AGAP1: variants seen among roughly 807,000 people sequenced by gnomAD.
AGAP1 encodes the protein ArfGAP with GTPase domain, ankyrin repeat and PH domain 1.
A neutral mutation model predicts 105.3 loss-of-function variants in AGAP1; 29 were observed. That is an observed-to-expected ratio of 0.28 (90% confidence interval 0.21 to 0.38). The LOEUF is 0.38. AGAP1 is among the 10% of genes least tolerant of loss of function. The pLI is 1.00. For missense variants in AGAP1, 998 were observed against 1,165.1 expected (o/e 0.86, Z 2.09); for synonymous variants, 509 against 485.9 (o/e 1.05, Z -0.63).
intron 1 of AGAP1, among the ~76,000 whole-genome samples, chr2:235,571,993 CACACACACACTT>C (rs1202553751): frequency 4.1e-5 from 5 of 121,312 alleles, no homozygotes; most frequent in South Asian, 5.8e-4. Flanking sequence ...CACACACACA[CACACACACACTT>C]TTTTTTTTTT....
At chr2:235,756,004 G>A (rs1169638301) in intron 6 of AGAP1, among the ~76,000 whole-genome samples, 1 of 152,232 alleles carries the variant, frequency 6.6e-6, no homozygotes, top group East Asian at 1.9e-4. Flanking sequence ...GTGGTAGCAA[G>A]CTGTGTATAG....
chr2:235,889,667 C>T lies in AGAP1; in HGVS notation c.1155+6218C>T, dbSNP rs1474124123. Reference sequence around the variant, plus strand: ...GCCTCACTCTGTCCTTTACTTAGGACATAAGCTAAATCTACATACCCTTCC... The same window carrying T: ...GCCTCACTCTGTCCTTTACTTAGGATATAAGCTAAATCTACATACCCTTCC... On this transcript the variant is annotated intron_variant, in intron 10 of 17. Coordinates refer to ENST00000304032, the MANE Select transcript of AGAP1 (RefSeq NM_001037131.3). The surrounding 1 kb of genome is among the most constrained non-coding windows in gnomAD (Gnocchi z 4.6). Among the ~76,000 whole-genome samples the T allele has an allele frequency of 3.3e-5, 5 of 151,784 alleles. No individual in the cohort carries two copies. Among genetic ancestry groups the T allele is most frequent in the Non-Finnish European group, 7.4e-5 (5 of 68,010 alleles).
At position 236,121,067 on chromosome 2, in the gene AGAP1, G is replaced by A. The variant is rs1437320621; in HGVS notation, c.2370+620G>A. Among the ~76,000 whole-genome samples, 1 of 152,216 alleles carries A rather than the reference G, an allele frequency of 6.6e-6. No individual in the cohort carries two copies. The highest frequency in any genetic ancestry group is 2.4e-5 in the African/African-American group (1 of 41,464). On this transcript the variant is annotated intron_variant, in intron 17 of 17. Transcript: ENST00000304032. This position sits in a 1 kb window ranked among gnomAD's most constrained non-coding sequence, Gnocchi z 4.9. ...CTGCCTGTGGACCCCTGGGGCTTCTGCTGAGGCAGGTTCCCACCAGAGGCA... is the reference window on the plus strand; with the variant it reads ...CTGCCTGTGGACCCCTGGGGCTTCTACTGAGGCAGGTTCCCACCAGAGGCA...
chr2:236,039,836 A>G (rs2057493285), intron 14 of AGAP1, among the ~76,000 whole-genome samples: 4 of 152,236 alleles, frequency 2.6e-5, no homozygotes, highest in Admixed American at 2.6e-4. Context: ...CAAAATGTTA[A>G]TAATGCTTAA....
intron 9 of AGAP1, among the ~76,000 whole-genome samples, chr2:235,813,333 G>A (rs1035847337): frequency 9.8e-5 from 15 of 152,346 alleles, no homozygotes; most frequent in African/African-American, 3.6e-4. Flanking sequence ...GGCCGTGAGG[G>A]TTGCATGAGG....
intron 1 of AGAP1, among the ~76,000 whole-genome samples, chr2:235,681,168 C>T (rs6735462): frequency 0.23 from 35,468 of 152,004 alleles, 4,458 homozygotes; most frequent in East Asian, 0.42. Context: ...ACCACCATGC[C>T]CAGCTAATTT....
intron 1 of AGAP1, among the ~76,000 whole-genome samples, chr2:235,563,793 G>A (rs1023801907): frequency 6.6e-6 from 1 of 152,192 alleles, no homozygotes; most frequent in Non-Finnish European, 1.5e-5. Context: ...GCTAGGCACT[G>A]TGCTGGCTGC....
rs1337550940 is a variant in AGAP1, at chr2:236,073,630, C to T, written c.2114+24349C>T. Among the ~76,000 whole-genome samples, 2 of 152,154 alleles carry T rather than the reference C, an allele frequency of 1.3e-5. No homozygotes were observed. Among genetic ancestry groups the T allele is most frequent in the African/African-American group, 4.8e-5 (2 of 41,434 alleles). On this transcript the variant is annotated intron_variant, in intron 16 of 17. Transcript: ENST00000304032. The surrounding 1 kb of genome is among the most constrained non-coding windows in gnomAD (Gnocchi z 5.4). ...GAAGATAATTTATAAATACCTATAACATAACCTGAGAATGGCGATTAAGTA... is the reference window on the plus strand; with the variant it reads ...GAAGATAATTTATAAATACCTATAATATAACCTGAGAATGGCGATTAAGTA...
chr2:235,938,866 A>G (rs927776309), intron 12 of AGAP1, among the ~76,000 whole-genome samples: 7 of 152,192 alleles, frequency 4.6e-5, no homozygotes, highest in Non-Finnish European at 1.0e-4. Context: ...GCGTCGTCCA[A>G]TGGCTGCCCA....
At chr2:235,554,920 T>C (rs1288700830) in intron 1 of AGAP1, among the ~76,000 whole-genome samples, 2 of 152,196 alleles carry the variant, frequency 1.3e-5, no homozygotes, top group African/African-American at 2.4e-5. Context: ...TTCGCCTGCC[T>C]TGGCCTCCCA....
chr2:235,967,539 C>T lies in AGAP1; in HGVS notation c.1484-923C>T, dbSNP rs1022352600. On this transcript the variant is annotated intron_variant, in intron 12 of 17. Transcript: ENST00000304032. This position sits in a 1 kb window ranked among gnomAD's most constrained non-coding sequence, Gnocchi z 4.7. ...GGCTGCCAAGCATCTTGAAAAGCCGCTGGCTCACAGTCAGTGCTCAAAAAA... is the reference window on the plus strand; with the variant it reads ...GGCTGCCAAGCATCTTGAAAAGCCGTTGGCTCACAGTCAGTGCTCAAAAAA... Among the ~76,000 whole-genome samples the T allele has an allele frequency of 6.6e-6, 1 of 152,226 alleles. No homozygotes were observed. Among genetic ancestry groups the T allele is most frequent in the Non-Finnish European group, 1.5e-5 (1 of 68,044 alleles).
chr2:235,851,685 A>G (rs932198314), intron 9 of AGAP1, among the ~76,000 whole-genome samples: 2 of 152,168 alleles, frequency 1.3e-5, no homozygotes, highest in Non-Finnish European at 2.9e-5. Context: ...GTGCAAGTGC[A>G]AGGAGCCCAT....
rs948090979 is a variant in AGAP1 at position 235,867,032 on chromosome 2, G to C, written c.1051-16313G>C. Reference sequence around the variant, plus strand: ...TCATCGTCTAAGGGATGGGCGTCGGGGGGTGCTTGCTTATGCGGAGCCTGT... The same window carrying C: ...TCATCGTCTAAGGGATGGGCGTCGGCGGGTGCTTGCTTATGCGGAGCCTGT... On this transcript the variant is annotated intron_variant, in intron 9 of 17. Coordinates refer to ENST00000304032, the MANE Select transcript of AGAP1 (RefSeq NM_001037131.3). This position sits in a 1 kb window ranked among gnomAD's most constrained non-coding sequence, Gnocchi z 5.4. 6.6e-6 allele frequency among the ~76,000 whole-genome samples: 1 copy of C among 152,214 alleles called. No individual in the cohort carries two copies. Among genetic ancestry groups the C allele is most frequent in the East Asian group, 1.9e-4 (1 of 5,198 alleles).
rs578108804 is a variant in AGAP1 at position 235,891,706 on chromosome 2, A to C, written c.1155+8257A>C. Among the ~76,000 whole-genome samples, 1 of 152,298 alleles carries C rather than the reference A, an allele frequency of 6.6e-6. No individual in the cohort carries two copies. The highest frequency in any genetic ancestry group is 2.4e-5 in the African/African-American group (1 of 41,560). On this transcript the variant is annotated intron_variant, in intron 10 of 17. Transcript: ENST00000304032. The surrounding 1 kb of genome is among the most constrained non-coding windows in gnomAD (Gnocchi z 4.2). The stretch of plus-strand genomic sequence containing the variant: ...GATGAGCTGAGTGGCCTCACGGTCA[A>C]GCCAAGGACTTCAAGGTGCCCCTGT...
Position 235,965,463 on chromosome 2 carries a change from T to C in AGAP1, c.1484-2999T>C, listed in dbSNP as rs2054352011. On this transcript the variant is annotated intron_variant, in intron 12 of 17. Transcript: ENST00000304032. The surrounding 1 kb of genome is among the most constrained non-coding windows in gnomAD (Gnocchi z 5.8). ...GTGAAGGAAGCCAGACTTCAAGGAG[T>C]CAGGAAGAAACACAGTGGATTTAAA... Among the ~76,000 whole-genome samples the C allele has an allele frequency of 1.3e-5, 2 of 151,780 alleles. No homozygotes were observed. Among genetic ancestry groups the C allele is most frequent in the South Asian group, 4.2e-4 (2 of 4,792 alleles).
rs566555395 is a variant in AGAP1 at position 235,740,169 on chromosome 2, C to A, written c.311-794C>A. On this transcript the variant is annotated intron_variant, in intron 3 of 17. Coordinates refer to ENST00000304032, the MANE Select transcript of AGAP1 (RefSeq NM_001037131.3). The surrounding 1 kb of genome is among the most constrained non-coding windows in gnomAD (Gnocchi z 5.7). ...TTCCCGCTGCCCAGCAGGAGCAGGG[C>A]TGGCCTAGCGGGCCGGGCTGGGCAC... 9.2e-5 allele frequency among the ~76,000 whole-genome samples: 14 copies of A among 152,276 alleles called. No individual in the cohort carries two copies. The highest frequency in any genetic ancestry group is 2.6e-4 in the African/African-American group (11 of 41,568).
chr2:236,014,563 G>A lies in AGAP1; in HGVS notation c.1646-21998G>A, dbSNP rs1422823849. Among the ~76,000 whole-genome samples the A allele has an allele frequency of 6.6e-6, 1 of 152,118 alleles. No individual in the cohort carries two copies. The highest frequency in any genetic ancestry group is 2.4e-5 in the African/African-American group (1 of 41,432). On this transcript the variant is annotated intron_variant, in intron 13 of 17. Coordinates refer to ENST00000304032, the MANE Select transcript of AGAP1 (RefSeq NM_001037131.3). The surrounding 1 kb of genome is among the most constrained non-coding windows in gnomAD (Gnocchi z 6.3). Reference sequence around the variant, plus strand: ...TTCTGCGCGTGGGTAGTTCTTTGACGTTAGATGCAATCCTGATGACCCTGC... The same window carrying A: ...TTCTGCGCGTGGGTAGTTCTTTGACATTAGATGCAATCCTGATGACCCTGC...
At chr2:235,810,014 G>T (rs2150106383) in intron 9 of AGAP1, among the ~76,000 whole-genome samples, 1 of 152,228 alleles carries the variant, frequency 6.6e-6, no homozygotes, top group Non-Finnish European at 1.5e-5. Context: ...TAGGTCCAAG[G>T]ATTCGGACCA....
At position 235,930,159 on chromosome 2, in the gene AGAP1, T is replaced by G. The variant is rs1306413735; in HGVS notation, c.1325-606T>G. On this transcript the variant is annotated intron_variant, in intron 11 of 17. Transcript: ENST00000304032. The surrounding 1 kb of genome is among the most constrained non-coding windows in gnomAD (Gnocchi z 7.9). Reference sequence around the variant, plus strand: ...GAATCATTTTTCATCACAGCCCCTGTGCTCTATGAAGTCACGCAGGTTGTT... The same window carrying G: ...GAATCATTTTTCATCACAGCCCCTGGGCTCTATGAAGTCACGCAGGTTGTT... Among the ~76,000 whole-genome samples, 2 of 152,114 alleles carry G rather than the reference T, an allele frequency of 1.3e-5. No individual in the cohort carries two copies. Among genetic ancestry groups the G allele is most frequent in the Non-Finnish European group, 2.9e-5 (2 of 67,974 alleles).
Sources: gnomAD v4.1 joint callset for allele counts (sites outside exome capture counted in the v4.1 genomes callset) on GRCh38, gnomAD v4.1.1 for gene constraint, Gnocchi (gnomAD v3.1) non-coding constraint, MANE v1.5 for transcripts, NCBI Gene and HGNC (gene_info 2026-07-23, HGNC 2026-07-21) for gene names.